Variants in DTNB observed in about 807,000 individuals in gnomAD.
The protein encoded by DTNB is dystrobrevin beta, also known as DTN-B.
Under a neutral mutation model 90.7 loss-of-function variants are expected in DTNB, and 63 were observed. That is an observed-to-expected ratio of 0.69 (90% CI 0.57 to 0.86). The LOEUF (loss-of-function observed/expected upper bound fraction) is 0.86. Among genes scored for constraint, DTNB ranks in the 40% least tolerant of loss-of-function variants. The probability of loss-of-function intolerance (pLI) is 0.00; values close to 1 mark genes in which losing one functional copy is unlikely to be tolerated. For synonymous variants in DTNB, 277 were observed against 286.7 expected, an observed-to-expected ratio of 0.97 and a Z score of 0.34; for missense variants, 744 against 807.1, an observed-to-expected ratio of 0.92 and a Z score of 0.95.
At chr2:25,574,744 C>T (rs777533876) in intron 8 of DTNB, among the ~76,000 whole-genome samples, 73 of 152,248 alleles carry the variant, frequency 4.8e-4, no homozygotes, top group Middle Eastern at 3.4e-3. Context: ...AGAACTAATA[C>T]GTTTATCACA....
chr2:25,423,492 C>T lies in DTNB; in HGVS notation c.1555-3957G>A, dbSNP rs1463326231. Among the ~76,000 whole-genome samples, 4 of 152,240 alleles carry T rather than the reference C, an allele frequency of 2.6e-5. No homozygotes were observed. In the East Asian group the frequency reaches 5.8e-4, roughly 22 times the overall value. On this transcript the variant is annotated intron_variant, in intron 15 of 20. Transcript: ENST00000406818. ...TTCCTGAAGCAGCAGAATGAAAGAA[C>T]TCTCTGTGGCATGAAAATTTACTGT...
In DTNB at chr2:25,615,280, C is replaced by T. The variant is rs528850328; in HGVS notation, c.363-7959G>A. 2.0e-5 allele frequency among the ~76,000 whole-genome samples: 3 copies of T among 152,284 alleles called. No homozygotes were observed. The South Asian group carries it at 6.2e-4, about 32-fold the overall frequency. On this transcript the variant is annotated intron_variant, in intron 4 of 20. Transcript: ENST00000406818. Reference sequence around the variant, plus strand: ...TTCCACCTGCTCAGCTATCTGGAAGCTCTCCAAACCTAGTCCTTTTGGGTT... The same window carrying T: ...TTCCACCTGCTCAGCTATCTGGAAGTTCTCCAAACCTAGTCCTTTTGGGTT...
chr2:25,568,275 C>A (rs2059337531), intron 8 of DTNB, among the ~76,000 whole-genome samples: 1 of 151,944 alleles, frequency 6.6e-6, no homozygotes, highest in Non-Finnish European at 1.5e-5. Context: ...GTCCTTAATG[C>A]CACTGAACTA....
At chr2:25,498,847 C>CAAAAAAA (rs34017287) in intron 9 of DTNB, among the ~76,000 whole-genome samples, 4 of 65,032 alleles carry the variant, frequency 6.2e-5, no homozygotes, top group East Asian at 5.6e-4. Context: ...AACCCTGTCT[C>CAAAAAAA]AAAAAAAAAA....
intron 3 of DTNB, among the ~76,000 whole-genome samples, chr2:25,632,207 A>AAG (rs1553626442): frequency 8.6e-5 from 13 of 151,636 alleles, no homozygotes; most frequent in South Asian, 2.1e-4. Flanking sequence ...AAAAAAAAAA[A>AAG]AAAAAAGAAA....
intron 1 of DTNB, among the ~76,000 whole-genome samples, chr2:25,671,745 T>G (rs2085966268): frequency 6.6e-6 from 1 of 152,208 alleles, no homozygotes; most frequent in African/African-American, 2.4e-5. Flanking sequence ...CACTTATGCA[T>G]GATAAAAATC....
At chr2:25,445,715 A>G (rs1402977488) in intron 12 of DTNB, among the ~76,000 whole-genome samples, 2 of 151,894 alleles carry the variant, frequency 1.3e-5, no homozygotes, top group African/African-American at 2.4e-5. Context: ...CTGGGCATAC[A>G]CTTCATTCTC....
At chr2:25,666,929 T>C (rs769130849) in intron 1 of DTNB, among the ~76,000 whole-genome samples, 9 of 152,130 alleles carry the variant, frequency 5.9e-5, no homozygotes, top group Non-Finnish European at 1.0e-4. Context: ...AACTACAGTT[T>C]ATCTAATACT....
rs191423246 is a variant in DTNB, at chr2:25,536,685, G to A, written c.877-5088C>T. 3.2e-3 allele frequency among the ~76,000 whole-genome samples: 488 copies of A among 152,322 alleles called. 1 individual carries two copies. The highest frequency in any genetic ancestry group is 0.011 in the African/African-American group (458 of 41,574). ...GCAGTACAGTCCAGGCTCCGCAAGA[G>A]AGGGAGACGGTAGAAAGAGGGAGAC... On this transcript the variant is annotated intron_variant, in intron 8 of 20. Transcript: ENST00000406818.
At chr2:25,433,779 C>T in intron 13 of DTNB, 131 bp downstream of exon 13, 1 of 957,482 alleles carries the variant, frequency 1.0e-6, no homozygotes, top group Non-Finnish European at 1.6e-6. Flanking sequence ...TGGACTTGGG[C>T]TAGCCTAGGT....
At chr2:25,672,786 T>C (rs912495107) in intron 1 of DTNB, 9 of 152,124 alleles carry the variant, frequency 5.9e-5, no homozygotes, top group African/African-American at 2.2e-4. Context: ...CTACCTACGG[T>C]AGCTGGAAGG....
chr2:25,667,391 A>C (rs781036084), intron 1 of DTNB, among the ~76,000 whole-genome samples: 11 of 152,070 alleles, frequency 7.2e-5, no homozygotes, highest in Non-Finnish European at 1.2e-4. Context: ...CGGGAGGCTG[A>C]GGCAGGAGAA....
chr2:25,378,829 A>G (rs2036655237), intron 20 of DTNB, among the ~76,000 whole-genome samples: 4 of 152,310 alleles, frequency 2.6e-5, no homozygotes, highest in Admixed American at 2.6e-4. Context: ...TCCTGCATGA[A>G]TCACATGTCT....
At chr2:25,481,074 T>C (rs538634797) in intron 10 of DTNB, among the ~76,000 whole-genome samples, 106 of 152,150 alleles carry the variant, frequency 7.0e-4, no homozygotes, top group African/African-American at 2.5e-3. Context: ...AAAAGGTAGA[T>C]ATTATTTTTG....
intron 6 of DTNB, among the ~76,000 whole-genome samples, chr2:25,592,706 T>C (rs2063794063): frequency 6.6e-6 from 1 of 152,190 alleles, no homozygotes. Flanking sequence ...TGAAATTTCT[T>C]TACATCAAAA....
intron 16 of DTNB, among the ~76,000 whole-genome samples, chr2:25,389,619 G>A (rs1332069136): frequency 1.3e-5 from 2 of 152,210 alleles, no homozygotes; most frequent in African/African-American, 4.8e-5. Context: ...AGGGTTTTCT[G>A]TGGAAGCAAA....
intron 8 of DTNB, 47 bp from the exon 9 acceptor site, chr2:25,531,644 GA>G: frequency 3.2e-6 from 5 of 1,563,612 alleles, no homozygotes; most frequent in Non-Finnish European, 4.3e-6. Flanking sequence ...TCAAAAGAAT[GA>G]AAGGAACTTC....
chr2:25,427,751 T>A (rs2052334310), intron 14 of DTNB, 120 bp from the exon 15 acceptor site: 1 of 877,218 alleles, frequency 1.1e-6, no homozygotes, highest in Non-Finnish European at 1.7e-6. Context: ...GAGCAAGTCA[T>A]TTAGCATCCA....
chr2:25,643,427 A>G (rs2078779996), intron 2 of DTNB, among the ~76,000 whole-genome samples: 1 of 152,266 alleles, frequency 6.6e-6, no homozygotes, highest in Non-Finnish European at 1.5e-5. Flanking sequence ...TAACTAGAAC[A>G]CAATAAAACT....
Sources: gnomAD v4.1 joint callset for allele counts (sites outside exome capture counted in the v4.1 genomes callset) on GRCh38, gnomAD v4.1.1 for gene constraint, MANE v1.5 for transcripts, NCBI Gene and HGNC (gene_info 2026-07-23, HGNC 2026-07-21) for gene names.